NELL1: variants seen among roughly 807,000 people sequenced by gnomAD.
The protein encoded by NELL1 is protein kinase C-binding protein NELL1.
NELL1 carries 76 observed loss-of-function variants against 107.4 expected under a neutral mutation model. The ratio of observed to expected loss-of-function variants is 0.71; its 90% CI spans 0.59 to 0.86. The LOEUF (loss-of-function observed/expected upper bound fraction) is 0.86, where lower values mean the gene tolerates loss of function less well. Among genes scored for constraint, NELL1 ranks in the 40% least tolerant of loss-of-function variants. NELL1 has a pLI of 0.00. For synonymous variants in NELL1, 353 were observed against 341.2 expected (o/e 1.03, Z -0.38); for missense variants, 1,024 against 1,005.5 (o/e 1.02, Z -0.25).
rs112301748 is a variant in NELL1, at chr11:21,385,588, T to C, written c.1645+14640T>C. Among the ~76,000 whole-genome samples, 1,135 of 151,966 alleles carry C rather than the reference T, an allele frequency of 7.5e-3. 16 individuals carry two copies. The highest frequency in any genetic ancestry group is 0.026 in the African/African-American group (1,070 of 41,496). ...TATTTGTTTTACGCCTGAAATGATT[T>C]CAGAACACAAGTCTTCAAGTCCCCA... On this transcript the variant is annotated intron_variant, in intron 15 of 19. Coordinates refer to ENST00000357134, the MANE Select transcript of NELL1 (RefSeq NM_006157.5).
At chr11:21,433,710 T>G (rs978249665) in intron 15 of NELL1, among the ~76,000 whole-genome samples, 2 of 152,136 alleles carry the variant, frequency 1.3e-5, no homozygotes, top group African/African-American at 4.8e-5. Flanking sequence ...AGTTACACTC[T>G]TGTTGCCCAG....
chr11:20,709,915 A>C (rs143055469), intron 2 of NELL1, among the ~76,000 whole-genome samples: 1 of 152,232 alleles, frequency 6.6e-6, no homozygotes, highest in East Asian at 1.9e-4. Flanking sequence ...CTGAATCTTT[A>C]CTGAATTCAT....
At chr11:20,986,273 C>A (rs1218849087) in intron 12 of NELL1, among the ~76,000 whole-genome samples, 3 of 152,200 alleles carry the variant, frequency 2.0e-5, no homozygotes, top group African/African-American at 7.2e-5. Flanking sequence ...AGCCTCAGGA[C>A]CCTCCTTTCA....
At chr11:21,539,401 G>A (rs76990986) in intron 16 of NELL1, among the ~76,000 whole-genome samples, 3 of 151,912 alleles carry the variant, frequency 2.0e-5, no homozygotes, top group African/African-American at 4.8e-5. Flanking sequence ...CCAGTGTGAC[G>A]GCTTTCTGTA....
chr11:21,495,385 C>T (rs1854950878), intron 15 of NELL1, among the ~76,000 whole-genome samples: 2 of 152,086 alleles, frequency 1.3e-5, no homozygotes, highest in South Asian at 2.1e-4. Context: ...AGGTACACCA[C>T]ATTTGTTTAA....
intron 2 of NELL1, among the ~76,000 whole-genome samples, chr11:20,684,538 C>A (rs569841910): frequency 1.3e-5 from 2 of 151,980 alleles, no homozygotes; most frequent in Admixed American, 6.6e-5. Context: ...TGTTGTTAAT[C>A]GAAAATTCTA....
At chr11:21,262,486 A>G (rs1304209882) in intron 14 of NELL1, 1 of 151,908 alleles carries the variant, frequency 6.6e-6, no homozygotes, top group South Asian at 2.1e-4. Flanking sequence ...TTGCTAAGAA[A>G]ACTATCTGGC....
chr11:20,812,983 T>G, intron 3 of NELL1, among the ~76,000 whole-genome samples: 1 of 116,674 alleles, frequency 8.6e-6, no homozygotes. Context: ...CACTCCAGCC[T>G]GGGCGACAGC....
At chr11:21,528,519 C>CGCT (rs34415543) in intron 15 of NELL1, among the ~76,000 whole-genome samples, 3 of 109,926 alleles carry the variant, frequency 2.7e-5, no homozygotes, top group Non-Finnish European at 5.4e-5. Flanking sequence ...CCACCCCCCC[C>CGCT]CCCTTTTTTT....
intron 14 of NELL1, among the ~76,000 whole-genome samples, chr11:21,251,353 G>T (rs1430319517): frequency 6.6e-6 from 1 of 152,024 alleles, no homozygotes; most frequent in Non-Finnish European, 1.5e-5. Flanking sequence ...TATAAAAGGA[G>T]ACTCTTTAAA....
intron 4 of NELL1, among the ~76,000 whole-genome samples, chr11:20,850,520 T>G (rs998992936): frequency 6.6e-6 from 1 of 152,202 alleles, no homozygotes; most frequent in African/African-American, 2.4e-5. Context: ...TATATATTTG[T>G]CTGTAACCCT....
chr11:21,396,323 A>G (rs1223695797), intron 15 of NELL1, among the ~76,000 whole-genome samples: 2 of 151,616 alleles, frequency 1.3e-5, no homozygotes, highest in East Asian at 2.0e-4. Flanking sequence ...ATAAAATAAT[A>G]TGTTGAAGCT....
chr11:21,389,622 A>T (rs1851823239), intron 15 of NELL1, among the ~76,000 whole-genome samples: 1 of 151,830 alleles, frequency 6.6e-6, no homozygotes, highest in African/African-American at 2.4e-5. Flanking sequence ...CCTGGCTTCC[A>T]ACACTCCAGG....
intron 12 of NELL1, among the ~76,000 whole-genome samples, chr11:21,082,967 G>T (rs928893009): frequency 1.3e-5 from 2 of 152,170 alleles, no homozygotes; most frequent in African/African-American, 2.4e-5. Flanking sequence ...TCAGGAAATT[G>T]GATTAATAAG....
intron 1 of NELL1, among the ~76,000 whole-genome samples, chr11:20,675,417 C>T (rs888876593): frequency 2.6e-5 from 4 of 152,162 alleles, no homozygotes; most frequent in Non-Finnish European, 4.4e-5. Context: ...GCATATTGCT[C>T]AGAGTTCATT....
intron 2 of NELL1, among the ~76,000 whole-genome samples, chr11:20,702,162 G>A (rs1313193332): frequency 3.9e-5 from 6 of 152,086 alleles, no homozygotes; most frequent in Admixed American, 1.3e-4. Flanking sequence ...TCTTCCATTT[G>A]TTTGTGTCCT....
chr11:20,991,263 T>C (rs1339562562), intron 12 of NELL1, among the ~76,000 whole-genome samples: 1 of 152,208 alleles, frequency 6.6e-6, no homozygotes, highest in African/African-American at 2.4e-5. Context: ...TAATGCATTG[T>C]CTTTGTTCCA....
At chr11:20,767,918 G>A (rs905013009) in intron 2 of NELL1, among the ~76,000 whole-genome samples, 3 of 152,102 alleles carry the variant, frequency 2.0e-5, no homozygotes, top group Non-Finnish European at 2.9e-5. Flanking sequence ...ACTTTAGATT[G>A]TAATATATAC....
intron 12 of NELL1, among the ~76,000 whole-genome samples, chr11:20,986,232 A>G (rs964907837): frequency 6.6e-6 from 1 of 152,202 alleles, no homozygotes; most frequent in Non-Finnish European, 1.5e-5. Flanking sequence ...GTTAGTCTCA[A>G]AAGAGAATAT....
Sources: gnomAD v4.1 joint callset for allele counts (sites outside exome capture counted in the v4.1 genomes callset) on GRCh38, gnomAD v4.1.1 for gene constraint, MANE v1.5 for transcripts, NCBI Gene and HGNC (gene_info 2026-07-23, HGNC 2026-07-21) for gene names.